The following GUCY1A2 variants were observed in gnomAD, a reference collection of about 807,000 sequenced individuals.
GUCY1A2 encodes the protein guanylate cyclase 1 soluble subunit alpha 2.
GUCY1A2 carries 27 observed loss-of-function variants against 63.5 expected under a neutral mutation model. The ratio of observed to expected loss-of-function variants is 0.43; its 90% CI spans 0.31 to 0.59. The LOEUF (loss-of-function observed/expected upper bound fraction) is 0.59, where lower values mean the gene tolerates loss of function less well. Ranked by LOEUF, GUCY1A2 falls within the 20% of genes least tolerant of loss-of-function variation. The probability of loss-of-function intolerance (pLI) is 0.11; values close to 1 mark genes in which losing one functional copy is unlikely to be tolerated. For missense variants in GUCY1A2, 768 were observed against 913.3 expected, an observed-to-expected ratio of 0.84 and a Z score of 2.05; for synonymous variants, 364 against 343.5, an observed-to-expected ratio of 1.06 and a Z score of -0.66.
At chr11:106,981,557 T>C (rs1861336003) in intron 2 of GUCY1A2, among the ~76,000 whole-genome samples, 1 of 152,018 alleles carries the variant, frequency 6.6e-6, no homozygotes. Context: ...AAATATATAG[T>C]GAGTGAACAC....
chr11:106,943,096 A>G (rs892143600), intron 3 of GUCY1A2, among the ~76,000 whole-genome samples: 1 of 152,230 alleles, frequency 6.6e-6, no homozygotes, highest in Non-Finnish European at 1.5e-5. Flanking sequence ...TAGATTTGAA[A>G]ATATTAAAAC....
At chr11:106,748,179 G>A (rs930290063) in intron 6 of GUCY1A2, among the ~76,000 whole-genome samples, 2 of 152,138 alleles carry the variant, frequency 1.3e-5, no homozygotes, top group African/African-American at 4.8e-5. Flanking sequence ...AAAATTACAG[G>A]TAATTTTCTC....
At chr11:106,931,014 T>TA (rs1464218286) in intron 4 of GUCY1A2, among the ~76,000 whole-genome samples, 1 of 152,228 alleles carries the variant, frequency 6.6e-6, no homozygotes, top group African/African-American at 2.4e-5. Flanking sequence ...AGCCCAGACT[T>TA]ACATTTCTAT....
rs371072161 is a variant in GUCY1A2 at position 106,988,484 on chromosome 11, ACCAGGAATTTC to A, written c.304-2364_304-2354del. ...TACAAAAGGACATTTTTTTTTCTGT[ACCAGGAATTTC>A]CCAGTCATTAAAAAGCACATATTTG... On this transcript the variant is annotated intron_variant, in intron 1 of 7. Transcript: ENST00000526355. Among the ~76,000 whole-genome samples the A allele has an allele frequency of 1.7e-3, 259 of 152,230 alleles. 1 individual carries two copies. The highest frequency in any genetic ancestry group is 5.9e-3 in the African/African-American group (244 of 41,546).
At chr11:106,782,410 A>G (rs777575156) in intron 5 of GUCY1A2, among the ~76,000 whole-genome samples, 3 of 152,238 alleles carry the variant, frequency 2.0e-5, no homozygotes, top group Non-Finnish European at 4.4e-5. Context: ...CTCTCTTAGT[A>G]TCTCACAGAG....
At chr11:106,876,316 C>A (rs989611813) in intron 4 of GUCY1A2, among the ~76,000 whole-genome samples, 8 of 151,954 alleles carry the variant, frequency 5.3e-5, no homozygotes, top group Admixed American at 2.0e-4. Flanking sequence ...AAACCACTGA[C>A]TGACAAGGTA....
intron 5 of GUCY1A2, among the ~76,000 whole-genome samples, chr11:106,786,867 T>C (rs1357958253): frequency 6.6e-6 from 1 of 152,148 alleles, no homozygotes; most frequent in East Asian, 1.9e-4. Context: ...CTACCTAGAG[T>C]TCATCCACTC....
chr11:106,966,435 G>T (rs1283418310), intron 3 of GUCY1A2, among the ~76,000 whole-genome samples: 3 of 152,030 alleles, frequency 2.0e-5, no homozygotes, highest in African/African-American at 4.8e-5. Flanking sequence ...TTCACAGCAT[G>T]CATCACTCTG....
At chr11:106,763,360 A>G (rs1864099654) in intron 6 of GUCY1A2, among the ~76,000 whole-genome samples, 1 of 152,030 alleles carries the variant, frequency 6.6e-6, no homozygotes, top group Non-Finnish European at 1.5e-5. Flanking sequence ...GAGATGGGTG[A>G]GACCAATTCA....
At chr11:106,798,353 C>T (rs1194074960) in intron 5 of GUCY1A2, among the ~76,000 whole-genome samples, 1 of 152,140 alleles carries the variant, frequency 6.6e-6, no homozygotes, top group Non-Finnish European at 1.5e-5. Context: ...GAGCTGGTAC[C>T]ATTCCTTCTG....
intron 4 of GUCY1A2, among the ~76,000 whole-genome samples, chr11:106,813,541 GT>G (rs1442150048): frequency 6.6e-6 from 1 of 151,972 alleles, no homozygotes; most frequent in Non-Finnish European, 1.5e-5. Context: ...CACATTACAT[GT>G]TTTATATTTT....
chr11:106,900,760 T>A (rs1860121422), intron 4 of GUCY1A2, among the ~76,000 whole-genome samples: 3 of 152,316 alleles, frequency 2.0e-5, no homozygotes, highest in African/African-American at 7.2e-5. Flanking sequence ...TACACTATAC[T>A]GTAGTCTATT....
intron 4 of GUCY1A2, among the ~76,000 whole-genome samples, chr11:106,842,969 T>A (rs533474723): frequency 6.6e-6 from 1 of 152,054 alleles, no homozygotes; most frequent in East Asian, 1.9e-4. Flanking sequence ...GAACTTCTCC[T>A]GCATCTTTGC....
At chr11:106,708,989 A>ATAT (rs1189564699) in intron 6 of GUCY1A2, among the ~76,000 whole-genome samples, 2 of 150,710 alleles carry the variant, frequency 1.3e-5, no homozygotes, top group Non-Finnish European at 3.0e-5. Flanking sequence ...CTTGAAAAGT[A>ATAT]TATTTTTCTC....
intron 4 of GUCY1A2, among the ~76,000 whole-genome samples, chr11:106,885,986 G>A (rs1859895804): frequency 6.6e-6 from 1 of 152,096 alleles, no homozygotes; most frequent in Non-Finnish European, 1.5e-5. Flanking sequence ...AAAAGAGAGA[G>A]AGATTTTCTG....
rs1862313979 is a variant in GUCY1A2, at chr11:106,674,551, A to T, written c.*12998T>A. On this transcript the variant is annotated 3_prime_UTR_variant, in exon 8 of 8. Transcript: ENST00000526355. ...TGGTACAGGTTTAAGAGATGCATTC[A>T]TTTTTTTAAAAAAACAAAAAATAGT... 1 of 181,746 alleles carries T rather than the reference A, an allele frequency of 5.5e-6. No homozygotes were observed. Among genetic ancestry groups the T allele is most frequent in the African/African-American group, 2.4e-5 (1 of 42,538 alleles). The allele number at this position is 181,746 out of a possible 1,614,324, so 11.3% of individuals were successfully genotyped here.
chr11:106,983,358 T>C (rs991461815), intron 2 of GUCY1A2, among the ~76,000 whole-genome samples: 2 of 152,178 alleles, frequency 1.3e-5, no homozygotes, highest in Non-Finnish European at 2.9e-5. Context: ...AAAGATAAAG[T>C]GGATAAAGTA....
In GUCY1A2 at chr11:106,851,643, G is replaced by T. The variant is rs77651115; in HGVS notation, c.1207-41165C>A. ...AATGTATGTTCTTGGATACTTTATT[G>T]AAAGTCAGTTGGCTGTAAATATGTG... On this transcript the variant is annotated intron_variant, in intron 4 of 7. Coordinates refer to ENST00000526355, the MANE Select transcript of GUCY1A2 (RefSeq NM_000855.3). Among the ~76,000 whole-genome samples, 895 of 151,892 alleles carry T rather than the reference G, an allele frequency of 5.9e-3. 12 individuals are homozygous for T. Among genetic ancestry groups the T allele is most frequent in the African/African-American group, 0.02 (822 of 41,490 alleles).
chr11:106,799,239 A>G (rs890896450), intron 5 of GUCY1A2, among the ~76,000 whole-genome samples: 2 of 152,232 alleles, frequency 1.3e-5, no homozygotes, highest in Non-Finnish European at 2.9e-5. Context: ...GCTCAATGAA[A>G]TAAAAGAGGA....
Sources: allele counts gnomAD v4.1 joint callset (sites outside exome capture counted in the v4.1 genomes callset), GRCh38; gene constraint gnomAD v4.1.1; transcripts MANE v1.5; gene names NCBI Gene and HGNC (gene_info 2026-07-23, HGNC 2026-07-21).